Variants in NCOR2 observed in about 807,000 individuals in gnomAD.
NCOR2 encodes the protein CTG repeat protein 26.
A neutral mutation model predicts 262.9 loss-of-function variants in NCOR2; 81 were observed. The observed-to-expected ratio is 0.31, with a 90% CI of 0.26 to 0.37. NCOR2 has a LOEUF of 0.37. Among genes scored for constraint, NCOR2 ranks in the 10% least tolerant of loss-of-function variants. NCOR2 has a pLI of 1.00. For synonymous variants in NCOR2, 1,659 were observed against 1,559.3 expected, an observed-to-expected ratio of 1.06 and a Z score of -1.51; for missense variants, 3,385 against 3,621.4, an observed-to-expected ratio of 0.93 and a Z score of 1.68.
rs771780623 is a variant in NCOR2, at chr12:124,347,917, TAGGAG to T, written c.3986-11_3986-7del. On this transcript the variant is annotated splice_polypyrimidine_tract_variant and splice_region_variant and intron_variant, in intron 29 of 46. Transcript: ENST00000405201. ...GATGGCACGGCCCATGAGACCTGGG[TAGGAG>T]AGGGTGAGGCCATCATTCCGTGGCT... is the stretch of plus-strand genomic sequence containing the variant. 2.2e-5 allele frequency: 35 copies of T among 1,556,390 alleles called. No individual in the cohort carries two copies. In the East Asian group the frequency reaches 7.5e-4, roughly 33 times the overall value.
intron 5 of NCOR2, among the ~76,000 whole-genome samples, chr12:124,464,631 CAATT>C (rs1164279221): frequency 2.6e-5 from 4 of 152,196 alleles, no homozygotes; most frequent in Non-Finnish European, 5.9e-5. Flanking sequence ...ATGATAATGA[CAATT>C]AATAGCACCA....
intron 1 of NCOR2, among the ~76,000 whole-genome samples, chr12:124,535,328 A>C (rs555834347): frequency 9.8e-5 from 15 of 152,336 alleles, no homozygotes; most frequent in African/African-American, 3.6e-4. Context: ...TCATCAAAAA[A>C]TCACTGCACC....
At chr12:124,529,926 A>ACC (rs1156692802) in intron 1 of NCOR2, 1 of 152,176 alleles carries the variant, frequency 6.6e-6, no homozygotes, top group African/African-American at 2.4e-5. Flanking sequence ...AAACTAAAAT[A>ACC]ACACATTTAC....
chr12:124,335,408 C>T, intron 39 of NCOR2, 75 bp downstream of exon 41: 1 of 1,536,700 alleles, frequency 6.5e-7, no homozygotes, highest in Non-Finnish European at 8.7e-7. Flanking sequence ...CCTCTGTTTT[C>T]CTATCTGCAT....
rs375639704 is a variant in NCOR2 at position 124,354,074 on chromosome 12, C to T, written c.3693+19G>A. 34 of 1,600,574 alleles carry T rather than the reference C, an allele frequency of 2.1e-5. No homozygotes were observed. Among genetic ancestry groups the T allele is most frequent in the East Asian group, 4.5e-5 (2 of 44,496 alleles). On this transcript the variant is annotated intron_variant, in intron 27 of 46. Coordinates refer to ENST00000405201, the Ensembl canonical transcript of NCOR2. Reference sequence around the variant, plus strand: ...TGCTGGTCCCAACCGTCCTTCCTGCCGCACCCCAGGACACCTACGTGGGTG... The same window carrying T: ...TGCTGGTCCCAACCGTCCTTCCTGCTGCACCCCAGGACACCTACGTGGGTG...
chr12:124,520,246 G>T (rs2050105659), intron 1 of NCOR2, among the ~76,000 whole-genome samples: 1 of 152,160 alleles, frequency 6.6e-6, no homozygotes, highest in South Asian at 2.1e-4. Context: ...GGAAACTGAG[G>T]CACAGGAAGG....
chr12:124,368,712 G>C (rs528450148), intron 20 of NCOR2, among the ~76,000 whole-genome samples: 1 of 152,148 alleles, frequency 6.6e-6, no homozygotes, highest in Non-Finnish European at 1.5e-5. Flanking sequence ...CACCTCCCCA[G>C]AGGCCCTCCC....
At chr12:124,450,635 C>G (rs1326196200) in intron 6 of NCOR2, among the ~76,000 whole-genome samples, 1 of 152,132 alleles carries the variant, frequency 6.6e-6, no homozygotes, top group Admixed American at 6.5e-5. Context: ...GAGGCAGGGC[C>G]CACATGTAGC....
chr12:124,557,909 G>T (rs914275508), intron 1 of NCOR2, among the ~76,000 whole-genome samples: 1 of 152,114 alleles, frequency 6.6e-6, no homozygotes, highest in Non-Finnish European at 1.5e-5. Context: ...CTCCTGCCAG[G>T]CTCCAGAGGG....
chr12:124,430,834 A>G (rs1565936845), intron 8 of NCOR2, 47 bp from the exon 11 acceptor site: 1 of 1,545,778 alleles, frequency 6.5e-7, no homozygotes, highest in Non-Finnish European at 8.7e-7. Context: ...TGCACCTGGC[A>G]CCCGCCGCCT....
At chr12:124,373,183 T>G in intron 19 of NCOR2, among the ~76,000 whole-genome samples, 1 of 152,386 alleles carries the variant, frequency 6.6e-6, no homozygotes, top group Non-Finnish European at 1.5e-5. Flanking sequence ...CACATGACAG[T>G]GTAGAATGCG....
At chr12:124,422,980 G>A (rs1428523477) in intron 11 of NCOR2, among the ~76,000 whole-genome samples, 3 of 152,186 alleles carry the variant, frequency 2.0e-5, no homozygotes, top group African/African-American at 7.2e-5. Context: ...CCCCACCAGT[G>A]GGGTCATAGC....
At chr12:124,564,239 A>T (rs1196151369) in intron 1 of NCOR2, among the ~76,000 whole-genome samples, 1 of 152,192 alleles carries the variant, frequency 6.6e-6, no homozygotes, top group Non-Finnish European at 1.5e-5. Context: ...TTTCCCAAGC[A>T]TCACTTCCCT....
At chr12:124,453,539 C>T (rs1427372719) in intron 6 of NCOR2, among the ~76,000 whole-genome samples, 1 of 152,222 alleles carries the variant, frequency 6.6e-6, no homozygotes, top group African/African-American at 2.4e-5. Flanking sequence ...ATGGTGGTGA[C>T]TAAGAAAGCC....
intron 1 of NCOR2, among the ~76,000 whole-genome samples, chr12:124,487,160 C>T (rs1299346880): frequency 2.0e-5 from 3 of 152,240 alleles, no homozygotes; most frequent in Admixed American, 6.5e-5. Flanking sequence ...AAGGCCCAAC[C>T]TAGATGCCCA....
chr12:124,339,190 A>C, intron 37 of NCOR2, among the ~76,000 whole-genome samples: 1 of 140,056 alleles, frequency 7.1e-6, no homozygotes, highest in Admixed American at 7.1e-5. Context: ...TTACCCACCC[A>C]TCTACCTACC....
At chr12:124,333,150 A>T in exon 42 of NCOR2, 1 of 1,609,268 alleles carries the variant, frequency 6.2e-7, no homozygotes, top group Non-Finnish European at 8.5e-7. Context: ...TCTGTTCCCC[A>T]TCCCGGTACA....
At position 124,342,987 on chromosome 12, in the gene NCOR2, G is replaced by A. The variant is rs779749819; in HGVS notation, c.4936+18C>T. 10 of 1,609,406 alleles carry A rather than the reference G, an allele frequency of 6.2e-6. No individual in the cohort carries two copies. In the Admixed American group the frequency reaches 1.2e-4, roughly 19 times the overall value. On this transcript the variant is annotated intron_variant, in intron 33 of 46. Transcript: ENST00000405201. ...GTTCAGCACCACTGCAGGGTTCTGG[G>A]AGCCCCAGGGCAATCACCTGCGTCC...
At chr12:124,340,148 C>G in exon 37 of NCOR2, 1 of 1,599,530 alleles carries the variant, frequency 6.3e-7, no homozygotes. Context: ...GAGTGGGAGG[C>G]GGGGCGGCTG....
Sources: allele counts gnomAD v4.1 joint callset (sites outside exome capture counted in the v4.1 genomes callset), GRCh38; gene constraint gnomAD v4.1.1; transcripts MANE v1.5; gene names NCBI Gene and HGNC (gene_info 2026-07-23, HGNC 2026-07-21).